Variants in RBFOX1 observed in about 807,000 individuals in gnomAD.
RBFOX1 encodes RNA binding fox-1 homolog 1.
RBFOX1 carries 8 observed loss-of-function variants against 57.7 expected under a neutral mutation model. That is an observed-to-expected ratio of 0.14 (90% CI 0.08 to 0.25). The LOEUF (loss-of-function observed/expected upper bound fraction) is 0.25. RBFOX1 is among the 10% of genes least tolerant of loss of function. The pLI is 1.00. For synonymous variants in RBFOX1, 326 were observed against 222.4 expected (o/e 1.47, Z -4.15); for missense variants, 611 against 548.5 (o/e 1.11, Z -1.14).
intron 3 of RBFOX1, among the ~76,000 whole-genome samples, chr16:6,797,552 C>T (rs2084369690): frequency 6.6e-6 from 1 of 152,196 alleles, no homozygotes; most frequent in South Asian, 2.1e-4. Context: ...TATTATATTA[C>T]AATGGGGGTA....
At chr16:5,473,638 G>A (rs192314238) in intron 2 of RBFOX1, among the ~76,000 whole-genome samples, 93 of 146,042 alleles carry the variant, frequency 6.4e-4, no homozygotes, top group Admixed American at 3.3e-3. Flanking sequence ...TAGATGTAAG[G>A]GTGGGTGGGT....
chr16:6,803,881 C>G (rs1474061924), intron 3 of RBFOX1, among the ~76,000 whole-genome samples: 1 of 152,172 alleles, frequency 6.6e-6, no homozygotes, highest in Non-Finnish European at 1.5e-5. Flanking sequence ...CTGTAAGCTG[C>G]AGAGTGTTGC....
chr16:6,366,381 A>G (rs2089619991), intron 2 of RBFOX1, among the ~76,000 whole-genome samples: 1 of 152,160 alleles, frequency 6.6e-6, no homozygotes, highest in Non-Finnish European at 1.5e-5. Flanking sequence ...TGTAATAAAA[A>G]TTCCTCTGAC....
At chr16:5,823,660 A>T (rs2151810202) in intron 3 of RBFOX1, among the ~76,000 whole-genome samples, 1 of 152,260 alleles carries the variant, frequency 6.6e-6, no homozygotes, top group Admixed American at 6.5e-5. Context: ...GGTCAGTGGC[A>T]GCATTAGATT....
intron 4 of RBFOX1, among the ~76,000 whole-genome samples, chr16:7,401,983 G>A (rs768141929): frequency 1.3e-5 from 2 of 152,118 alleles, no homozygotes; most frequent in African/African-American, 4.8e-5. Flanking sequence ...CATGCAGCAG[G>A]TAGATGTTCT....
chr16:6,915,391 T>A (rs576123883), intron 3 of RBFOX1, among the ~76,000 whole-genome samples: 1 of 152,326 alleles, frequency 6.6e-6, no homozygotes, highest in South Asian at 2.1e-4. Flanking sequence ...TTCCCAAGCA[T>A]GTCACTTCTG....
intron 4 of RBFOX1, among the ~76,000 whole-genome samples, chr16:5,917,132 C>T (rs967264952): frequency 1.1e-4 from 17 of 152,098 alleles, no homozygotes; most frequent in Non-Finnish European, 1.0e-4. Flanking sequence ...CCTTCCTGTT[C>T]CTCTGCTTTA....
intron 2 of RBFOX1, among the ~76,000 whole-genome samples, chr16:6,341,294 G>A (rs576993164): frequency 2.0e-5 from 3 of 152,136 alleles, no homozygotes; most frequent in East Asian, 1.9e-4. Flanking sequence ...TTTCAAAGCC[G>A]ACAATGGCAG....
intron 4 of RBFOX1, among the ~76,000 whole-genome samples, chr16:7,207,819 C>A (rs890576739): frequency 6.6e-6 from 1 of 152,104 alleles, no homozygotes. Context: ...ACGAGCAGGC[C>A]ACCATCTATC....
intron 4 of RBFOX1, among the ~76,000 whole-genome samples, chr16:7,187,125 T>C (rs898943176): frequency 6.6e-6 from 1 of 151,642 alleles, no homozygotes; most frequent in Non-Finnish European, 1.5e-5. Flanking sequence ...GCCATGATGG[T>C]GCCACTGCAC....
chr16:6,686,703 T>A (rs1340209788), intron 3 of RBFOX1, among the ~76,000 whole-genome samples: 1 of 152,306 alleles, frequency 6.6e-6, no homozygotes, highest in South Asian at 2.1e-4. Context: ...GGGAACGCAA[T>A]TGTGAGACTA....
chr16:6,582,184 A>AAATT (rs2097545634), intron 2 of RBFOX1, among the ~76,000 whole-genome samples: 1 of 152,254 alleles, frequency 6.6e-6, no homozygotes, highest in African/African-American at 2.4e-5. Flanking sequence ...ATTTTGTGAT[A>AAATT]GTAAAAATTT....
intron 3 of RBFOX1, among the ~76,000 whole-genome samples, chr16:6,938,102 A>G (rs149211865): frequency 1.3e-5 from 2 of 152,272 alleles, no homozygotes; most frequent in East Asian, 3.9e-4. Flanking sequence ...CTGCAATCAC[A>G]TACCTTAAAA....
At chr16:6,210,361 C>CAAAAAAAAAAAAAAAAAAAAA (rs3064933) in intron 1 of RBFOX1, among the ~76,000 whole-genome samples, 2 of 61,454 alleles carry the variant, frequency 3.3e-5, no homozygotes, top group East Asian at 5.4e-4. Flanking sequence ...AAAAAAACAC[C>CAAAAAAAAAAAAAAAAAAAAA]AAAAAAAAAA....
At chr16:6,010,874 C>T (rs1290210806) in intron 4 of RBFOX1, among the ~76,000 whole-genome samples, 1 of 151,946 alleles carries the variant, frequency 6.6e-6, no homozygotes, top group Admixed American at 6.6e-5. Flanking sequence ...GTTCATGTGT[C>T]TTAATCGAAG....
chr16:6,491,487 G>T (rs1041826657), intron 2 of RBFOX1, among the ~76,000 whole-genome samples: 1 of 152,164 alleles, frequency 6.6e-6, no homozygotes, highest in Non-Finnish European at 1.5e-5. Context: ...AGTGGTTCAG[G>T]ATTCACATTC....
chr16:5,699,683 C>A (rs2050968463), intron 3 of RBFOX1, among the ~76,000 whole-genome samples: 1 of 152,072 alleles, frequency 6.6e-6, no homozygotes, highest in African/African-American at 2.4e-5. Context: ...AGGATAGAAT[C>A]CAACTATATT....
chr16:7,280,114 C>A (rs2095512675), intron 4 of RBFOX1, among the ~76,000 whole-genome samples: 1 of 152,226 alleles, frequency 6.6e-6, no homozygotes, highest in Admixed American at 6.5e-5. Context: ...TGAATCCTGG[C>A]TGAGTTTGAC....
chr16:7,611,031 G>C (rs1380157618), intron 10 of RBFOX1, among the ~76,000 whole-genome samples: 1 of 152,194 alleles, frequency 6.6e-6, no homozygotes, highest in African/African-American at 2.4e-5. Context: ...GCTTAAGATA[G>C]AAAGCCAGAC....
Sources: allele counts gnomAD v4.1 joint callset (sites outside exome capture counted in the v4.1 genomes callset), GRCh38; gene constraint gnomAD v4.1.1; transcripts MANE v1.5; gene names NCBI Gene and HGNC (gene_info 2026-07-23, HGNC 2026-07-21).